Variants in DSCAM observed in about 807,000 individuals in gnomAD.
DSCAM encodes DS cell adhesion molecule, also known as cell adhesion molecule DSCAM.
In DSCAM, 47 loss-of-function variants were observed where a neutral mutation model predicts 217.7. The ratio of observed to expected loss-of-function variants is 0.22; its 90% CI spans 0.17 to 0.28. The LOEUF (loss-of-function observed/expected upper bound fraction) is 0.28, where lower values mean the gene tolerates loss of function less well. DSCAM is among the 10% of genes least tolerant of loss of function. DSCAM has a pLI of 1.00. For synonymous variants in DSCAM, 1,056 were observed against 1,015.3 expected (o/e 1.04, Z -0.76); for missense variants, 2,080 against 2,618.3 (o/e 0.79, Z 4.49).
chr21:40,684,939 G>C (rs2090457180), intron 3 of DSCAM, among the ~76,000 whole-genome samples: 1 of 152,112 alleles, frequency 6.6e-6, no homozygotes, highest in Admixed American at 6.5e-5. Context: ...AACATCACGG[G>C]GAGAGAGAGA....
intron 4 of DSCAM, among the ~76,000 whole-genome samples, chr21:40,359,932 TTAAAG>T (rs1026345200): frequency 4.6e-5 from 7 of 152,300 alleles, no homozygotes; most frequent in African/African-American, 1.2e-4. Flanking sequence ...GGAGTTTATA[TTAAAG>T]TAAACTACCT....
intron 3 of DSCAM, among the ~76,000 whole-genome samples, chr21:40,437,009 T>TA (rs2075589165): frequency 6.6e-6 from 1 of 152,198 alleles, no homozygotes; most frequent in Non-Finnish European, 1.5e-5. Context: ...AATAGTGTGT[T>TA]ACACTTACTG....
chr21:40,116,944 G>A (rs575515171), intron 20 of DSCAM, among the ~76,000 whole-genome samples: 2 of 135,942 alleles, frequency 1.5e-5, no homozygotes, highest in African/African-American at 5.6e-5. Context: ...AGAGTTTGCA[G>A]TGAGCCGAGA....
At chr21:40,355,598 A>G (rs2123655945) in intron 4 of DSCAM, among the ~76,000 whole-genome samples, 1 of 152,340 alleles carries the variant, frequency 6.6e-6, no homozygotes, top group Non-Finnish European at 1.5e-5. Flanking sequence ...TCTCTCTTCT[A>G]ATTCAACCTG....
chr21:40,340,866 T>C (rs1303519341), intron 6 of DSCAM, among the ~76,000 whole-genome samples: 1 of 152,296 alleles, frequency 6.6e-6, no homozygotes. Context: ...ACCAGACACC[T>C]TTGAGGAAAG....
intron 17 of DSCAM, among the ~76,000 whole-genome samples, chr21:40,143,944 TTC>T (rs2090323207): frequency 6.6e-6 from 1 of 152,186 alleles, no homozygotes; most frequent in Non-Finnish European, 1.5e-5. Context: ...GTTCTCTATT[TTC>T]AAGCACTACT....
At chr21:40,019,467 G>GTAAC (rs957219998) in intron 32 of DSCAM, among the ~76,000 whole-genome samples, 35 of 152,352 alleles carry the variant, frequency 2.3e-4, no homozygotes, top group Admixed American at 1.8e-3. Context: ...GTGGTGAAGA[G>GTAAC]TAACTTAGAT....
chr21:40,567,691 C>T lies in DSCAM; in HGVS notation c.508+125119G>A, dbSNP rs113655074. Among the ~76,000 whole-genome samples the T allele has an allele frequency of 9.0e-3, 1,371 of 152,318 alleles. 12 individuals carry two copies. The highest frequency in any genetic ancestry group is 0.031 in the African/African-American group (1,290 of 41,568). ...CAGGCCCAACATCTGTCTCCCCTCA[C>T]GGGAATGCCAGCTCCACAAGGTCAA... On this transcript the variant is annotated intron_variant, in intron 3 of 32. Transcript: ENST00000400454.
At chr21:40,376,607 TC>T (rs2074961405) in intron 3 of DSCAM, among the ~76,000 whole-genome samples, 2 of 132,948 alleles carry the variant, frequency 1.5e-5, no homozygotes, top group Non-Finnish European at 3.2e-5. Flanking sequence ...TATCTATATA[TC>T]TTATATAGAT....
rs58257995 is a variant in DSCAM, at chr21:40,825,937, A to C, written c.43+20682T>G. ...ATGACATCCAGTCCCTAAGAGCTAT[A>C]CATTGCTTTAAACAACATTCATTGG... On this transcript the variant is annotated intron_variant, in intron 1 of 32. Coordinates refer to ENST00000400454, the MANE Select transcript of DSCAM (RefSeq NM_001389.5). Among the ~76,000 whole-genome samples the C allele has an allele frequency of 9.3e-3, 1,411 of 152,354 alleles. 23 individuals carry two copies. Among genetic ancestry groups the C allele is most frequent in the African/African-American group, 0.032 (1,348 of 41,578 alleles).
chr21:40,184,489 A>T (rs75696110), intron 14 of DSCAM, among the ~76,000 whole-genome samples: 3,595 of 152,226 alleles, frequency 0.024, 61 homozygotes, highest in Non-Finnish European at 0.034. Flanking sequence ...CCAGGGCTAC[A>T]TAAACATCTT....
At chr21:40,154,180 TCTTCCTTC>T (rs138672399) in intron 16 of DSCAM, among the ~76,000 whole-genome samples, 96 of 149,986 alleles carry the variant, frequency 6.4e-4, no homozygotes, top group Admixed American at 2.5e-3. Flanking sequence ...TCTCCTTTCT[TCTTCCTTC>T]CTTCCTTCCT....
At chr21:40,259,298 A>G (rs935466154) in intron 11 of DSCAM, among the ~76,000 whole-genome samples, 24 of 151,204 alleles carry the variant, frequency 1.6e-4, no homozygotes, top group Admixed American at 1.3e-3. Flanking sequence ...TTACCCCAGC[A>G]GTGTCATGGA....
intron 30 of DSCAM, among the ~76,000 whole-genome samples, chr21:40,050,072 A>G: frequency 6.6e-6 from 1 of 152,054 alleles, no homozygotes. Context: ...AACATTTCTA[A>G]CCCTTGGGGC....
intron 3 of DSCAM, among the ~76,000 whole-genome samples, chr21:40,407,076 T>C (rs939318748): frequency 1.3e-5 from 2 of 152,162 alleles, no homozygotes; most frequent in South Asian, 2.1e-4. Flanking sequence ...TTGTACAACA[T>C]AGCAACTATA....
intron 11 of DSCAM, among the ~76,000 whole-genome samples, chr21:40,200,232 A>ACAATT (rs1187482001): frequency 6.6e-6 from 1 of 152,090 alleles, no homozygotes; most frequent in African/African-American, 2.4e-5. Flanking sequence ...AGCCTTCACT[A>ACAATT]CAATTCATCC....
At chr21:40,396,710 C>T (rs2075182169) in intron 3 of DSCAM, among the ~76,000 whole-genome samples, 1 of 152,132 alleles carries the variant, frequency 6.6e-6, no homozygotes, top group Non-Finnish European at 1.5e-5. Flanking sequence ...ACCACCACTC[C>T]TACCACAACT....
At chr21:40,333,789 G>A (rs772076757) in intron 8 of DSCAM, among the ~76,000 whole-genome samples, 2 of 152,314 alleles carry the variant, frequency 1.3e-5, no homozygotes, top group Non-Finnish European at 2.9e-5. Context: ...CTGGCCTCAA[G>A]CCATTCTTCT....
intron 8 of DSCAM, among the ~76,000 whole-genome samples, chr21:40,324,197 T>C (rs1024370971): frequency 4.0e-5 from 6 of 149,744 alleles, no homozygotes; most frequent in Non-Finnish European, 8.9e-5. Context: ...TCCCAAAAAT[T>C]GTTTAAAATT....
Sources: allele counts gnomAD v4.1 joint callset (sites outside exome capture counted in the v4.1 genomes callset), GRCh38; gene constraint gnomAD v4.1.1; transcripts MANE v1.5; gene names NCBI Gene and HGNC (gene_info 2026-07-23, HGNC 2026-07-21).